SMIM10L3: variants seen among roughly 807,000 people sequenced by gnomAD.
SMIM10L3 encodes salivary gland specific protein SAGSIN1.
At chr7:6,338,144 A>G in the SMIM10L3 span, among the ~76,000 whole-genome samples, 3 of 152,204 alleles carry the variant, frequency 2.0e-5, no homozygotes, top group Non-Finnish European at 4.4e-5. Flanking sequence ...ATTTTGGCTC[A>G]CAGCCCTCAA....
chr7:6,333,457 A>G, the SMIM10L3 span, among the ~76,000 whole-genome samples: 1 of 152,144 alleles, frequency 6.6e-6, no homozygotes, highest in Non-Finnish European at 1.5e-5. Flanking sequence ...AGAAAGAAAG[A>G]AGGCTGTGAT....
chr7:6,344,496 C>T, the SMIM10L3 span, among the ~76,000 whole-genome samples: 6 of 152,066 alleles, frequency 3.9e-5, no homozygotes, highest in African/African-American at 1.2e-4. Context: ...AATTATAGCT[C>T]ACTGCCTCCT....
the SMIM10L3 span, among the ~76,000 whole-genome samples, chr7:6,333,575 T>C: frequency 6.6e-6 from 1 of 152,096 alleles, no homozygotes; most frequent in Non-Finnish European, 1.5e-5. Flanking sequence ...CACAGCTCAC[T>C]GCAGCCTGTA....
the SMIM10L3 span, chr7:6,331,066 A>T: frequency 6.8e-6 from 11 of 1,613,690 alleles, no homozygotes; most frequent in Non-Finnish European, 9.3e-6. Flanking sequence ...TCTTTTCTTA[A>T]GGCTGCATGA....
At chr7:6,334,640 A>G in the SMIM10L3 span, among the ~76,000 whole-genome samples, 3 of 151,816 alleles carry the variant, frequency 2.0e-5, no homozygotes, top group South Asian at 6.2e-4. Flanking sequence ...CTAATTTTTT[A>G]TATTTTGGTA....
chr7:6,345,702 G>T, the SMIM10L3 span, among the ~76,000 whole-genome samples: 1 of 152,066 alleles, frequency 6.6e-6, no homozygotes, highest in Admixed American at 6.6e-5. Flanking sequence ...GCCAAATACA[G>T]CCTGTAGACA....
the SMIM10L3 span, among the ~76,000 whole-genome samples, chr7:6,332,899 G>A: frequency 1.3e-5 from 2 of 152,116 alleles, no homozygotes; most frequent in Non-Finnish European, 2.9e-5. Context: ...AGTGGCTCAT[G>A]CCTGTAATCC....
chr7:6,345,913 C>T, the SMIM10L3 span, among the ~76,000 whole-genome samples: 1 of 151,878 alleles, frequency 6.6e-6, no homozygotes, highest in African/African-American at 2.4e-5. Flanking sequence ...GGATTACAGG[C>T]GTGCACCATC....
At chr7:6,345,919 C>A in the SMIM10L3 span, among the ~76,000 whole-genome samples, 1 of 151,928 alleles carries the variant, frequency 6.6e-6, no homozygotes, top group East Asian at 1.9e-4. Flanking sequence ...CAGGCGTGCA[C>A]CATCACACCT....
the SMIM10L3 span, among the ~76,000 whole-genome samples, chr7:6,339,561 G>A: frequency 3.3e-5 from 5 of 151,512 alleles, no homozygotes; most frequent in African/African-American, 1.2e-4. Context: ...TCAGCTCACT[G>A]CAAGCTCCGC....
the SMIM10L3 span, among the ~76,000 whole-genome samples, chr7:6,340,898 C>CAAA: frequency 5.9e-5 from 2 of 33,690 alleles, no homozygotes; most frequent in African/African-American, 2.6e-4. Flanking sequence ...GACTCCATCT[C>CAAA]AAAAAAAAAA....
chr7:6,333,260 T>C, the SMIM10L3 span, among the ~76,000 whole-genome samples: 21 of 151,636 alleles, frequency 1.4e-4, no homozygotes, highest in African/African-American at 4.8e-4. Flanking sequence ...AGGGAGAGTT[T>C]AGAGAAAGAG....
chr7:6,330,741 A>T, the SMIM10L3 span: 6 of 1,614,150 alleles, frequency 3.7e-6, no homozygotes, highest in Non-Finnish European at 5.1e-6. Context: ...TGTGGCCGTC[A>T]GTGGCCCTGG....
chr7:6,341,456 A>T, the SMIM10L3 span, among the ~76,000 whole-genome samples: 4,232 of 139,862 alleles, frequency 0.03, 161 homozygotes, highest in East Asian at 0.14. Flanking sequence ...AAATAATAAT[A>T]ATAATTATTA....
the SMIM10L3 span, among the ~76,000 whole-genome samples, chr7:6,335,706 A>G: frequency 6.6e-6 from 1 of 152,132 alleles, no homozygotes; most frequent in Non-Finnish European, 1.5e-5. Flanking sequence ...TTACTGATAG[A>G]ATTGTGACCA....
the SMIM10L3 span, among the ~76,000 whole-genome samples, chr7:6,339,065 G>A: frequency 6.6e-5 from 10 of 152,188 alleles, no homozygotes; most frequent in Admixed American, 3.9e-4. Flanking sequence ...ACAGCCTAGA[G>A]GAGGAGAAAC....
At chr7:6,330,777 C>T in the SMIM10L3 span, 1 of 1,614,146 alleles carries the variant, frequency 6.2e-7, no homozygotes, top group East Asian at 2.2e-5. Flanking sequence ...AGTCTCGCCG[C>T]CCCAGAGCTT....
chr7:6,331,878 T>C, the SMIM10L3 span, among the ~76,000 whole-genome samples: 10 of 151,318 alleles, frequency 6.6e-5, no homozygotes, highest in Non-Finnish European at 1.3e-4. Flanking sequence ...GTAGCTGGGA[T>C]TACAGGTGCC....
chr7:6,332,653 G>A, the SMIM10L3 span, among the ~76,000 whole-genome samples: 9 of 151,834 alleles, frequency 5.9e-5, no homozygotes, highest in East Asian at 1.9e-4. Context: ...AGCTGAGATC[G>A]AGTCACTCTG....
Sources: gnomAD v4.1 joint callset for allele counts (sites outside exome capture counted in the v4.1 genomes callset) on GRCh38, gnomAD v4.1.1 for gene constraint, MANE v1.5 for transcripts, NCBI Gene and HGNC (gene_info 2026-07-23, HGNC 2026-07-21) for gene names.